The following SPDEF variants were observed in gnomAD, a reference collection of about 807,000 sequenced individuals.
SPDEF encodes SAM pointed domain containing ETS transcription factor, also known as SAM pointed domain-containing Ets transcription factor.
Under a neutral mutation model 36.0 loss-of-function variants are expected in SPDEF, and 12 were observed. That is an observed-to-expected ratio of 0.33 (90% CI 0.21 to 0.54). The LOEUF (loss-of-function observed/expected upper bound fraction) is 0.54. Among genes scored for constraint, SPDEF ranks in the 20% least tolerant of loss-of-function variants. The pLI is 0.93. For missense variants in SPDEF, 388 were observed against 456.9 expected (o/e 0.85, Z 1.37); for synonymous variants, 205 against 193.0 (o/e 1.06, Z -0.51).
At position 34,538,327 on chromosome 6, in the gene SPDEF, G is replaced by A. The variant is rs140605373; in HGVS notation, c.955C>T (p.Arg319Trp). The A allele has an allele frequency of 2.0e-5, 32 of 1,614,152 alleles. No individual in the cohort carries two copies. The highest frequency in any genetic ancestry group is 1.7e-4 in the Middle Eastern group (1 of 6,060). Reference protein sequence around the residue: ...IRQYYKKGIIRKPDISQRLVY... With the variant: ...IRQYYKKGIIWKPDISQRLVY... ...AGGCGCTGGGAGATGTCTGGCTTCC[G>A]GATGATGCCCTTCTTGTAATACTGG... is the stretch of plus-strand genomic sequence containing the variant. Residue 319 changes from arginine to tryptophan, a missense_variant, in exon 6 of 6, where the codon CGG (arginine) becomes TGG (tryptophan). Arg to Trp is a moderately radical substitution (Grantham distance 101). This residue lies in a region of SPDEF where 80 missense variants were observed against 130.8 expected (regional missense o/e 0.61). Transcript: ENST00000374037. The surrounding 1 kb of genome is among the most constrained non-coding windows in gnomAD (Gnocchi z 5.9).
chr6:34,547,006 C>T (rs1485701949), intron 1 of SPDEF, among the ~76,000 whole-genome samples: 1 of 138,860 alleles, frequency 7.2e-6, no homozygotes, highest in Non-Finnish European at 1.6e-5. Flanking sequence ...CCCCCCGCAG[C>T]CCCCCACCCC....
chr6:34,538,299 A>ACGAGGCGCTGGGAGATGT lies in SPDEF; in HGVS notation c.965_982dup (p.Asp322_Leu327dup), dbSNP rs1357837706. On this transcript the variant is annotated inframe_insertion, in exon 6 of 6. Coordinates refer to ENST00000374037, the MANE Select transcript of SPDEF (RefSeq NM_012391.3). The surrounding 1 kb of genome is among the most constrained non-coding windows in gnomAD (Gnocchi z 5.9). ...TCAGATGGGGTGCACGAACTGGTAG[A>ACGAGGCGCTGGGAGATGT]CGAGGCGCTGGGAGATGTCTGGCTT... 6.2e-7 allele frequency: 1 copy of ACGAGGCGCTGGGAGATGT among 1,614,062 alleles called. No individual in the cohort carries two copies. Among genetic ancestry groups the ACGAGGCGCTGGGAGATGT allele is most frequent in the Admixed American group, 1.7e-5 (1 of 60,024 alleles).
chr6:34,545,357 TA>T (rs1259495345), intron 1 of SPDEF, among the ~76,000 whole-genome samples: 1 of 152,218 alleles, frequency 6.6e-6, no homozygotes, highest in Admixed American at 6.5e-5. Flanking sequence ...AGGGAACACC[TA>T]AAACCCTTAG....
rs1303532452 is a variant in SPDEF, at chr6:34,537,917, G to A, written c.*357C>T. On this transcript the variant is annotated 3_prime_UTR_variant, in exon 6 of 6. Coordinates refer to ENST00000374037, the MANE Select transcript of SPDEF (RefSeq NM_012391.3). ...TGTGGTGCAGAATGGGAGGCAGGGG[G>A]ATGGAGCAGAGAGAGGCCTGGACTG... 9.2e-6 allele frequency: 2 copies of A among 216,764 alleles called. No individual in the cohort carries two copies. Among genetic ancestry groups the A allele is most frequent in the Non-Finnish European group, 1.9e-5 (2 of 107,856 alleles). The allele number at this position is 216,764 out of a possible 1,614,324, so 13.4% of individuals were successfully genotyped here. A position where few individuals can be genotyped will look rare whatever the true frequency, so the allele number is the denominator to read the frequency against.
chr6:34,543,568 CA>C (rs1339571455), intron 2 of SPDEF, among the ~76,000 whole-genome samples: 2 of 152,112 alleles, frequency 1.3e-5, no homozygotes, highest in East Asian at 3.9e-4. Flanking sequence ...ATGGAGGGGT[CA>C]GGGAAGGCCT....
At chr6:34,547,031 C>T (rs1767969011) in intron 1 of SPDEF, among the ~76,000 whole-genome samples, 3 of 150,894 alleles carry the variant, frequency 2.0e-5, no homozygotes, top group Non-Finnish European at 3.0e-5. Context: ...TCATCACCCC[C>T]TGCCTGCCTC....
At position 34,539,197 on chromosome 6, in the gene SPDEF, C is replaced by G; in HGVS notation, c.829+53G>C. 2.5e-6 allele frequency: 4 copies of G among 1,600,548 alleles called. No homozygotes were observed. Among genetic ancestry groups the G allele is most frequent in the Non-Finnish European group, 3.4e-6 (4 of 1,172,600 alleles). On this transcript the variant is annotated intron_variant, in intron 5 of 5. Transcript: ENST00000374037. This position sits in a 1 kb window ranked among gnomAD's most constrained non-coding sequence, Gnocchi z 5.2. Reference sequence around the variant, plus strand: ...CATGCACCGTGCCTGGCAGAAGCCCCCACAACCTCCATGCTCACTGGCCCT... The same window carrying G: ...CATGCACCGTGCCTGGCAGAAGCCCGCACAACCTCCATGCTCACTGGCCCT...
intron 3 of SPDEF, among the ~76,000 whole-genome samples, chr6:34,540,287 G>A (rs1411711796): frequency 6.6e-6 from 1 of 151,962 alleles, no homozygotes; most frequent in Non-Finnish European, 1.5e-5. Context: ...GCAATAGAGT[G>A]AGACCCTGTC....
At position 34,552,154 on chromosome 6, in the gene SPDEF, G is replaced by A. The variant is rs918820183; in HGVS notation, c.-30+3775C>T. On this transcript the variant is annotated intron_variant, in intron 1 of 5. Transcript: ENST00000374037. This position sits in a 1 kb window ranked among gnomAD's most constrained non-coding sequence, Gnocchi z 4.6. The stretch of plus-strand genomic sequence containing the variant: ...ACAGTCTCGTCCTCACCCCCAAATC[G>A]CCGGTACACTCCTTGAAGGGCCGGC... Among the ~76,000 whole-genome samples, 7 of 151,928 alleles carry A rather than the reference G, an allele frequency of 4.6e-5. No individual in the cohort carries two copies. The highest frequency in any genetic ancestry group is 6.8e-3 in the Middle Eastern group (2 of 294).
At position 34,538,226 on chromosome 6, in the gene SPDEF, G is replaced by T. The variant is rs768089523; in HGVS notation, c.*48C>A. The T allele has an allele frequency of 6.4e-7, 1 of 1,574,634 alleles. No individual in the cohort carries two copies. The highest frequency in any genetic ancestry group is 1.2e-5 in the South Asian group (1 of 86,446). ...TCAGGGCCTGGCTGAGGCAGGGCAG[G>T]CAGGAGAGAGGCCCCTGAGGGCGGG... On this transcript the variant is annotated 3_prime_UTR_variant, in exon 6 of 6. Transcript: ENST00000374037. The surrounding 1 kb of genome is among the most constrained non-coding windows in gnomAD (Gnocchi z 5.9).
In SPDEF at chr6:34,552,512, T is replaced by G. The variant is rs1456514138; in HGVS notation, c.-30+3417A>C. 2.0e-5 allele frequency among the ~76,000 whole-genome samples: 3 copies of G among 152,196 alleles called. No homozygotes were observed. Among genetic ancestry groups the G allele is most frequent in the Non-Finnish European group, 4.4e-5 (3 of 68,030 alleles). On this transcript the variant is annotated intron_variant, in intron 1 of 5. Transcript: ENST00000374037. The surrounding 1 kb of genome is among the most constrained non-coding windows in gnomAD (Gnocchi z 4.6). Reference sequence around the variant, plus strand: ...CCCGAGAGGTGTGTGTCCACAGTGGTGACTGCTGTCTCCATCTGCCGTGTT... The same window carrying G: ...CCCGAGAGGTGTGTGTCCACAGTGGGGACTGCTGTCTCCATCTGCCGTGTT...
rs985957840 is a variant in SPDEF at position 34,538,914 on chromosome 6, T to C, written c.829+336A>G. On this transcript the variant is annotated intron_variant, in intron 5 of 5. Transcript: ENST00000374037. This position sits in a 1 kb window ranked among gnomAD's most constrained non-coding sequence, Gnocchi z 5.9. ...AGTTCCCAAGCCTGAAACAACCTCT[T>C]TGCTATTCTCAGGCAGTTCGGCCTG... Among the ~76,000 whole-genome samples, 2 of 152,166 alleles carry C rather than the reference T, an allele frequency of 1.3e-5. No homozygotes were observed. The highest frequency in any genetic ancestry group is 4.8e-5 in the African/African-American group (2 of 41,430).
At chr6:34,543,433 C>CT (rs1374054417) in intron 2 of SPDEF, among the ~76,000 whole-genome samples, 1 of 152,026 alleles carries the variant, frequency 6.6e-6, no homozygotes, top group Non-Finnish European at 1.5e-5. Flanking sequence ...AGTGTAAGTG[C>CT]TATGAGAGGA....
Position 34,552,991 on chromosome 6 carries a change from G to A in SPDEF, c.-30+2938C>T, listed in dbSNP as rs932645406. On this transcript the variant is annotated intron_variant, in intron 1 of 5. Coordinates refer to ENST00000374037, the MANE Select transcript of SPDEF (RefSeq NM_012391.3). The surrounding 1 kb of genome is among the most constrained non-coding windows in gnomAD (Gnocchi z 4.6). Reference sequence around the variant, plus strand: ...CCTTGCCCCGCAACCAGTCTCAGGCGCTGGAGCCCCGGGCTGGGCAGTCCC... The same window carrying A: ...CCTTGCCCCGCAACCAGTCTCAGGCACTGGAGCCCCGGGCTGGGCAGTCCC... Among the ~76,000 whole-genome samples, 4 of 152,168 alleles carry A rather than the reference G, an allele frequency of 2.6e-5. No individual in the cohort carries two copies. Among genetic ancestry groups the A allele is most frequent in the South Asian group, 2.1e-4 (1 of 4,826 alleles).
chr6:34,541,732 C>T (rs1048102296), intron 2 of SPDEF, among the ~76,000 whole-genome samples: 5 of 152,240 alleles, frequency 3.3e-5, no homozygotes, highest in Admixed American at 2.6e-4. Context: ...AGGAGCTGCT[C>T]CAGGCACATG....
chr6:34,542,714 A>C (rs1767848841), intron 2 of SPDEF, among the ~76,000 whole-genome samples: 1 of 151,214 alleles, frequency 6.6e-6, no homozygotes. Context: ...CATGGTGAAA[A>C]CTCCGTCTCT....
chr6:34,553,417 A>G (rs1245420286), intron 1 of SPDEF, among the ~76,000 whole-genome samples: 4 of 125,642 alleles, frequency 3.2e-5, no homozygotes, highest in African/African-American at 1.2e-4. Context: ...TGGGGCATGA[A>G]CGGGGTGGGG....
intron 1 of SPDEF, among the ~76,000 whole-genome samples, chr6:34,550,801 G>T (rs760214629): frequency 6.6e-6 from 1 of 152,138 alleles, no homozygotes; most frequent in Non-Finnish European, 1.5e-5. Flanking sequence ...GCAGGAAGAC[G>T]GGGCACTGGA....
intron 1 of SPDEF, among the ~76,000 whole-genome samples, chr6:34,548,143 C>T (rs1229558786): frequency 6.6e-6 from 1 of 152,200 alleles, no homozygotes. Flanking sequence ...ACATCACCCG[C>T]TTTCCTACCC....
Sources: gnomAD v4.1 joint callset for allele counts (sites outside exome capture counted in the v4.1 genomes callset) on GRCh38, gnomAD v4.1.1 for gene constraint, gnomAD v4.1.1 regional missense constraint, Gnocchi (gnomAD v3.1) non-coding constraint, MANE v1.5 for transcripts, NCBI Gene and HGNC (gene_info 2026-07-23, HGNC 2026-07-21) for gene names.